Variants in PAM observed in about 807,000 individuals in gnomAD.
PAM encodes the protein peptidylglycine alpha-amidating monooxygenase, also known as peptidyl-glycine alpha-amidating monooxygenase.
Under a neutral mutation model 122.1 loss-of-function variants are expected in PAM, and 72 were observed. The ratio of observed to expected loss-of-function variants is 0.59; its 90% CI spans 0.49 to 0.72. The LOEUF (loss-of-function observed/expected upper bound fraction) is 0.72. Among genes scored for constraint, PAM ranks in the 30% least tolerant of loss-of-function variants. The pLI, the probability that PAM is intolerant of heterozygous loss-of-function variation, is 0.00. For missense variants in PAM, 1,106 were observed against 1,183.7 expected (o/e 0.93, Z 0.96); for synonymous variants, 389 against 404.4 (o/e 0.96, Z 0.46).
At chr5:102,848,748 A>T (rs145633736) in intron 1 of PAM, among the ~76,000 whole-genome samples, 23 of 152,352 alleles carry the variant, frequency 1.5e-4, no homozygotes, top group African/African-American at 5.5e-4. Flanking sequence ...ACAAAGAAGG[A>T]TAAAAACAAA....
Position 103,028,928 on chromosome 5 carries a change from A to G in PAM, c.2785A>G (p.Ser929Gly). The G allele has an allele frequency of 6.2e-7, 1 of 1,612,308 alleles. No homozygotes were observed. The highest frequency in any genetic ancestry group is 8.5e-7 in the Non-Finnish European group (1 of 1,179,380). Residue 929 changes from serine to glycine, a missense_variant, in exon 26 of 26, where the codon AGC (serine) becomes GGC (glycine). Coordinates refer to ENST00000438793, the MANE Select transcript of PAM (RefSeq NM_001177306.2). ...GGLNLGNFFASRKGYSRKGFD... is the reference protein window; with the variant it reads ...GGLNLGNFFAGRKGYSRKGFD... ...CTTAAACCTTGGTAATTTCTTTGCA[A>G]GCCGTAAGGGCTACAGTCGAAAAGG...
chr5:102,914,595 T>G (rs918866978), intron 5 of PAM, among the ~76,000 whole-genome samples: 1 of 152,090 alleles, frequency 6.6e-6, no homozygotes, highest in Non-Finnish European at 1.5e-5. Context: ...TGAGCACTCT[T>G]TCTCCAGACA....
At chr5:102,870,010 CTA>C (rs1286428599) in intron 3 of PAM, among the ~76,000 whole-genome samples, 1 of 150,588 alleles carries the variant, frequency 6.6e-6, no homozygotes, top group Non-Finnish European at 1.5e-5. Flanking sequence ...AATAACTAGA[CTA>C]TGAAGAAAGA....
chr5:103,013,940 A>G (rs1005753270), intron 21 of PAM, among the ~76,000 whole-genome samples: 3 of 152,196 alleles, frequency 2.0e-5, no homozygotes, highest in Non-Finnish European at 4.4e-5. Flanking sequence ...CAGAAAAGCA[A>G]TAGGCAATGA....
At chr5:102,871,413 G>T (rs1412246829) in intron 3 of PAM, among the ~76,000 whole-genome samples, 2 of 152,056 alleles carry the variant, frequency 1.3e-5, no homozygotes, top group Non-Finnish European at 2.9e-5. Flanking sequence ...CTAAGACATT[G>T]CAATAATTGT....
intron 7 of PAM, among the ~76,000 whole-genome samples, chr5:102,937,442 T>G (rs898645046): frequency 1.3e-5 from 2 of 152,172 alleles, no homozygotes; most frequent in Non-Finnish European, 2.9e-5. Context: ...CTCAGGCCTT[T>G]TCAGTTAAGG....
At chr5:103,017,728 C>T (rs1352829090) in intron 22 of PAM, among the ~76,000 whole-genome samples, 1 of 152,124 alleles carries the variant, frequency 6.6e-6, no homozygotes, top group African/African-American at 2.4e-5. Context: ...GGGGCTTTGG[C>T]AAAGCAGAGG....
At chr5:102,975,433 G>A (rs182121394) in intron 15 of PAM, among the ~76,000 whole-genome samples, 1 of 152,104 alleles carries the variant, frequency 6.6e-6, no homozygotes, top group South Asian at 2.1e-4. Context: ...TGGCCTAATG[G>A]TTTCTGTGAG....
At chr5:102,921,924 T>C (rs73175460) in intron 5 of PAM, among the ~76,000 whole-genome samples, 6,922 of 152,238 alleles carry the variant, frequency 0.045, 499 homozygotes, top group African/African-American at 0.16. Flanking sequence ...TATTCAACTT[T>C]AAATTACAAC....
chr5:102,908,211 A>C (rs564347285), intron 4 of PAM, among the ~76,000 whole-genome samples: 90 of 152,090 alleles, frequency 5.9e-4, no homozygotes, highest in African/African-American at 2.0e-3. Flanking sequence ...TTTCCCCAGC[A>C]CCATTTATTA....
chr5:102,937,281 T>A (rs781063785), intron 7 of PAM, among the ~76,000 whole-genome samples: 1 of 152,184 alleles, frequency 6.6e-6, no homozygotes, highest in Non-Finnish European at 1.5e-5. Flanking sequence ...ATAATTTATA[T>A]TCCTTCATTT....
chr5:102,779,912 T>TAC (rs1179087816), intron 1 of PAM, among the ~76,000 whole-genome samples: 26 of 67,882 alleles, frequency 3.8e-4, no homozygotes, highest in Middle Eastern at 6.2e-3. Flanking sequence ...TATATATATA[T>TAC]ATATATACAC....
chr5:103,011,188 GC>G (rs1177263411), intron 21 of PAM, among the ~76,000 whole-genome samples: 1 of 152,134 alleles, frequency 6.6e-6, no homozygotes, highest in East Asian at 1.9e-4. Flanking sequence ...CTGATGGAGA[GC>G]CACGTCTGTG....
intron 24 of PAM, among the ~76,000 whole-genome samples, chr5:103,027,009 C>T (rs1785131043): frequency 1.3e-5 from 2 of 152,182 alleles, no homozygotes; most frequent in Middle Eastern, 3.4e-3. Context: ...CAGGTAGAAC[C>T]CTAGAAAATT....
At chr5:102,869,678 C>A (rs1228945282) in intron 3 of PAM, among the ~76,000 whole-genome samples, 6 of 152,014 alleles carry the variant, frequency 3.9e-5, no homozygotes, top group African/African-American at 1.5e-4. Flanking sequence ...ATTGAATATG[C>A]CCAGGAAGAG....
At chr5:102,894,607 A>G (rs1210353749) in intron 3 of PAM, among the ~76,000 whole-genome samples, 1 of 151,636 alleles carries the variant, frequency 6.6e-6, no homozygotes, top group Non-Finnish European at 1.5e-5. Context: ...GCCAAGCCTC[A>G]CCTCTGAACT....
chr5:102,798,943 A>G (rs1489092320), intron 1 of PAM, among the ~76,000 whole-genome samples: 1 of 152,226 alleles, frequency 6.6e-6, no homozygotes, highest in Non-Finnish European at 1.5e-5. Flanking sequence ...ATTGCTTAGG[A>G]TGAAATTACT....
rs375364507 is a variant in PAM, at chr5:103,009,811, T to C, written c.2276T>C (p.Phe759Ser). 178 of 1,612,470 alleles carry C rather than the reference T, an allele frequency of 1.1e-4. No individual in the cohort carries two copies. The highest frequency in any genetic ancestry group is 1.4e-4 in the Non-Finnish European group (169 of 1,178,858). Residue 759 changes from phenylalanine to serine, a missense_variant, in exon 21 of 26, where the codon TTT becomes TCT. By Grantham distance (155) the Phe-to-Ser change is radical (BLOSUM62 -2). Transcript: ENST00000438793. ...GGGGACCAAGAACCTGTACAAGGAT[T>C]TGTGATGAACTTTTCCAATGGGGAA... ...HFGDQEPVQGFVMNFSNGEII... is the reference protein window; with the variant it reads ...HFGDQEPVQGSVMNFSNGEII...
intron 1 of PAM, among the ~76,000 whole-genome samples, chr5:102,764,542 C>T (rs1260840760): frequency 6.6e-6 from 1 of 152,048 alleles, no homozygotes; most frequent in Non-Finnish European, 1.5e-5. Flanking sequence ...ACCTCCACCA[C>T]CAAGGAATAC....
Sources: gnomAD v4.1 joint callset for allele counts (sites outside exome capture counted in the v4.1 genomes callset) on GRCh38, gnomAD v4.1.1 for gene constraint, MANE v1.5 for transcripts, NCBI Gene and HGNC (gene_info 2026-07-23, HGNC 2026-07-21) for gene names.